The following FAM131B variants were observed in gnomAD, a reference collection of about 807,000 sequenced individuals.
FAM131B encodes protein FAM131B.
FAM131B carries 19 observed loss-of-function variants against 42.0 expected under a neutral mutation model. The ratio of observed to expected loss-of-function variants is 0.45; its 90% confidence interval spans 0.32 to 0.66. The LOEUF is 0.66. FAM131B is among the 30% of genes least tolerant of loss of function. The pLI is 0.05. For synonymous variants in FAM131B, 183 were observed against 177.6 expected, an observed-to-expected ratio of 1.03 and a Z score of -0.24; for missense variants, 370 against 468.4, an observed-to-expected ratio of 0.79 and a Z score of 1.94.
chr7:143,374,242 C>T, the FAM131B span, among the ~76,000 whole-genome samples: 1 of 152,140 alleles, frequency 6.6e-6, no homozygotes, highest in African/African-American at 2.4e-5. Context: ...GAATGAAACA[C>T]ACAATCTCAC....
the FAM131B span, chr7:143,381,524 C>A: frequency 6.3e-7 from 1 of 1,577,948 alleles, no homozygotes; most frequent in Non-Finnish European, 8.6e-7. Flanking sequence ...CTGAGCCCGG[C>A]TCCGCGCTGC....
chr7:143,374,990 T>C, the FAM131B span, among the ~76,000 whole-genome samples: 2 of 152,296 alleles, frequency 1.3e-5, no homozygotes, highest in African/African-American at 2.4e-5. Flanking sequence ...TTATCTCCCA[T>C]AGGAGACCCT....
the FAM131B span, among the ~76,000 whole-genome samples, chr7:143,375,873 C>T: frequency 2.0e-5 from 3 of 152,212 alleles, no homozygotes; most frequent in Non-Finnish European, 4.4e-5. Flanking sequence ...GCCTCGGTGC[C>T]AGCAACCTGG....
At chr7:143,376,457 T>C in the FAM131B span, among the ~76,000 whole-genome samples, 1 of 152,192 alleles carries the variant, frequency 6.6e-6, no homozygotes, top group Admixed American at 6.5e-5. Context: ...TAGGGGATGA[T>C]GCTCTGATGT....
the FAM131B span, among the ~76,000 whole-genome samples, chr7:143,377,124 T>C: frequency 5.3e-5 from 8 of 152,054 alleles, no homozygotes; most frequent in Non-Finnish European, 1.0e-4. Flanking sequence ...ACCCGGCTTA[T>C]GTTTGTATTT....
the FAM131B span, chr7:143,380,438 G>C: frequency 1.0e-6 from 1 of 985,250 alleles, no homozygotes; most frequent in Middle Eastern, 5.2e-4. This position sits in a 1 kb window ranked among gnomAD's most constrained non-coding sequence, Gnocchi z 5.0. Flanking sequence ...CCGTCGCCCG[G>C]GGTCTCCAAG....
Position 143,356,769 on chromosome 7 carries a change from A to G in FAM131B, c.864T>C (p.Ala288=), listed in dbSNP as rs768374708. 51 of 1,613,868 alleles carry G rather than the reference A, an allele frequency of 3.2e-5. No individual in the cohort carries two copies. Among genetic ancestry groups the G allele is most frequent in the Non-Finnish European group, 4.2e-5 (49 of 1,180,008 alleles). Residue 288 remains alanine, a synonymous_variant, in exon 7 of 7, where the codon GCT becomes GCC. Coordinates refer to ENST00000443739, the MANE Select transcript of FAM131B (RefSeq NM_001031690.3). This position sits in a 1 kb window ranked among gnomAD's most constrained non-coding sequence, Gnocchi z 4.4. ...CCAGGTCCACTGCGCCTACCCCCGG[A>G]GCCCAGTCAGTGTCTCCCCCCAGCA... ...PPLLGGDTDW[A]PGVGAVDLAR...
chr7:143,358,960 G>A lies in FAM131B; in HGVS notation c.333C>T (p.Ala111=). 1 of 1,614,086 alleles carries A rather than the reference G, an allele frequency of 6.2e-7. No homozygotes were observed. The highest frequency in any genetic ancestry group is 8.5e-7 in the Non-Finnish European group (1 of 1,180,028). Residue 111 remains alanine (A), a synonymous_variant, in exon 5 of 7, where the codon GCC becomes GCT. Coordinates refer to ENST00000443739, the MANE Select transcript of FAM131B (RefSeq NM_001031690.3). This position sits in a 1 kb window ranked among gnomAD's most constrained non-coding sequence, Gnocchi z 4.7. The stretch of plus-strand genomic sequence containing the variant: ...CCCAGCCCTGCCACTCAATCATGTG[G>A]GCCACCCGGCCTTGCCCCATGGCTG... ...KPTAMGQGRV[A]HMIEWQGWGK... is the part of the protein sequence containing the mutation.
the FAM131B span, among the ~76,000 whole-genome samples, chr7:143,375,793 C>G: frequency 6.6e-6 from 1 of 152,204 alleles, no homozygotes; most frequent in Admixed American, 6.5e-5. Flanking sequence ...AGCTTCTAGG[C>G]CAGGCTCTCT....
rs1157924263 is a variant in FAM131B at position 143,359,567 on chromosome 7, G to T, written c.175-148C>A. 1.1e-6 allele frequency: 1 copy of T among 914,794 alleles called. No individual in the cohort carries two copies. The highest frequency in any genetic ancestry group is 1.8e-6 in the Non-Finnish European group (1 of 565,474). 56.7% of individuals were successfully genotyped at this position (914,794 alleles called of 1,614,324 possible). A position where few individuals can be genotyped will look rare whatever the true frequency, so the allele number is the denominator to read the frequency against. On this transcript the variant is annotated intron_variant, in intron 3 of 6. Transcript: ENST00000443739. This position sits in a 1 kb window ranked among gnomAD's most constrained non-coding sequence, Gnocchi z 5.4. The stretch of plus-strand genomic sequence containing the variant: ...TACTATACCCAAGAGTCCCAAGGAG[G>T]GATATATCCCCAGTGCTCTGGAAAA...
the FAM131B span, chr7:143,381,138 G>A: frequency 4.2e-6 from 4 of 954,758 alleles, no homozygotes; most frequent in Non-Finnish European, 3.7e-6. Flanking sequence ...AGCGGACCTC[G>A]GCGGAGCCTC....
the FAM131B span, among the ~76,000 whole-genome samples, chr7:143,370,969 T>A: frequency 6.6e-6 from 1 of 152,176 alleles, no homozygotes; most frequent in South Asian, 2.1e-4. Context: ...TCAGGGGCAT[T>A]TCATACCCTC....
chr7:143,364,725 A>G (rs1025105525), upstream of FAM131B, among the ~76,000 whole-genome samples: 3 of 152,206 alleles, frequency 2.0e-5, no homozygotes, highest in Non-Finnish European at 4.4e-5. Context: ...CCTGCTCCCT[A>G]TAGGTCTTCT....
chr7:143,355,043 C>A lies in FAM131B; in HGVS notation c.*1507G>T, dbSNP rs994723356. 2 of 152,366 alleles carry A rather than the reference C, an allele frequency of 1.3e-5. No individual in the cohort carries two copies. Among genetic ancestry groups the A allele is most frequent in the African/African-American group, 4.8e-5 (2 of 41,402 alleles). The allele number at this position is 152,366 out of a possible 1,614,324, so 9.4% of individuals were successfully genotyped here. On this transcript the variant is annotated 3_prime_UTR_variant, in exon 7 of 7. Coordinates refer to ENST00000443739, the MANE Select transcript of FAM131B (RefSeq NM_001031690.3). The surrounding 1 kb of genome is among the most constrained non-coding windows in gnomAD (Gnocchi z 4.1). ...TGTGGGTAGGACACAGGCCTGGGAG[C>A]CGGAGCCTTGGAAGGGCGTGAGGAA...
At chr7:143,378,677 G>A in the FAM131B span, among the ~76,000 whole-genome samples, 8 of 150,060 alleles carry the variant, frequency 5.3e-5, no homozygotes, top group South Asian at 2.1e-4. Flanking sequence ...GGGTTCAAGC[G>A]ATTCTTCTCC....
Position 143,359,102 on chromosome 7 carries a change from C to T in FAM131B, c.269-78G>A. 3 of 1,441,426 alleles carry T rather than the reference C, an allele frequency of 2.1e-6. No individual in the cohort carries two copies. The highest frequency in any genetic ancestry group is 2.8e-6 in the Non-Finnish European group (3 of 1,052,800). The allele number at this position is 1,441,426 out of a possible 1,614,324, so 89.3% of individuals were successfully genotyped here. On this transcript the variant is annotated intron_variant, in intron 4 of 6. Coordinates refer to ENST00000443739, the MANE Select transcript of FAM131B (RefSeq NM_001031690.3). This position sits in a 1 kb window ranked among gnomAD's most constrained non-coding sequence, Gnocchi z 5.4. Reference sequence around the variant, plus strand: ...ACCAGACCCTCCCAGTTCCTCCCACCCCAGCCCCATGAGGCTCCATCCCAC... The same window carrying T: ...ACCAGACCCTCCCAGTTCCTCCCACTCCAGCCCCATGAGGCTCCATCCCAC...
chr7:143,360,405 G>A lies in FAM131B; in HGVS notation c.29-256C>T, dbSNP rs183468597. The A allele has an allele frequency of 8.9e-6, 12 of 1,343,978 alleles. No homozygotes were observed. In the Admixed American group the frequency reaches 1.6e-4, roughly 18 times the overall value. The allele number at this position is 1,343,978 out of a possible 1,614,324, so 83.3% of individuals were successfully genotyped here. On this transcript the variant is annotated intron_variant, in intron 1 of 6. Coordinates refer to ENST00000443739, the MANE Select transcript of FAM131B (RefSeq NM_001031690.3). ...TGTTGTTTATGTGGAGGGGTCAGAG[G>A]TTGGGTTTTATCAGAAAACCAATTA...
chr7:143,360,327 T>C (rs1262123753), intron 1 of FAM131B, 178 bp from the exon 2 acceptor site: 2 of 1,437,992 alleles, frequency 1.4e-6, no homozygotes, highest in Non-Finnish European at 1.8e-6. Context: ...TATTCAGTTT[T>C]AGCTCAACCC....
the FAM131B span, among the ~76,000 whole-genome samples, chr7:143,375,859 G>A: frequency 6.6e-6 from 1 of 152,148 alleles, no homozygotes; most frequent in African/African-American, 2.4e-5. Context: ...CTCCACTAGC[G>A]GCTGCCTCGG....
Sources: gnomAD v4.1 joint callset for allele counts (sites outside exome capture counted in the v4.1 genomes callset) on GRCh38, gnomAD v4.1.1 for gene constraint, Gnocchi (gnomAD v3.1) non-coding constraint, MANE v1.5 for transcripts, NCBI Gene and HGNC (gene_info 2026-07-23, HGNC 2026-07-21) for gene names.